Variants in NR2F2 observed in about 807,000 individuals in gnomAD.
NR2F2 encodes the protein nuclear receptor subfamily 2 group F member 2, also known as COUP transcription factor 2.
NR2F2 carries 2 observed loss-of-function variants against 34.8 expected under a neutral mutation model. The observed-to-expected ratio is 0.06, with a 90% CI of 0.02 to 0.18. The LOEUF (loss-of-function observed/expected upper bound fraction) is 0.18. Ranked by LOEUF, NR2F2 falls within the 10% of genes least tolerant of loss-of-function variation. The pLI is 1.00. For missense variants in NR2F2, 300 were observed against 580.1 expected, an observed-to-expected ratio of 0.52 and a Z score of 4.96; for synonymous variants, 274 against 251.8, an observed-to-expected ratio of 1.09 and a Z score of -0.84.
chr15:96,332,358 A>C lies in NR2F2; in HGVS notation c.253A>C (p.Lys85Gln), dbSNP rs1193323808. 6.2e-7 allele frequency: 1 copy of C among 1,611,212 alleles called. No homozygotes were observed. Among genetic ancestry groups the C allele is most frequent in the Non-Finnish European group, 8.5e-7 (1 of 1,178,612 alleles). ...QHIECVVCGD[K>Q]SSGKHYGQFT... ...CATCGAGTGCGTGGTGTGCGGAGAC[A>C]AGTCGAGCGGCAAGCACTACGGCCA... Residue 85 changes from lysine to glutamine, a missense_variant, in exon 1 of 3, where the codon AAG (lysine) becomes CAG (glutamine). Physicochemically the swap from Lys to Gln is moderately conservative, Grantham distance 53. Transcript: ENST00000394166.
rs1290021674 is a variant in NR2F2, at chr15:96,331,104, T to C, written c.-1002T>C. 2 of 1,210,388 alleles carry C rather than the reference T, an allele frequency of 1.7e-6. No individual in the cohort carries two copies. Among genetic ancestry groups the C allele is most frequent in the Non-Finnish European group, 2.1e-6 (2 of 975,212 alleles). 75.0% of individuals were successfully genotyped at this position (1,210,388 alleles called of 1,614,324 possible). On this transcript the variant is annotated 5_prime_UTR_variant, in exon 1 of 3. Transcript: ENST00000394166. Reference sequence around the variant, plus strand: ...GGCGGCAGCAGCGGCAGCAGCGACTTCAGCGGCGGCGGCGGCGCTAGACGC... The same window carrying C: ...GGCGGCAGCAGCGGCAGCAGCGACTCCAGCGGCGGCGGCGGCGCTAGACGC...
At position 96,334,404 on chromosome 15, in the gene NR2F2, G is replaced by C; in HGVS notation, c.771G>C (p.Ala257=). Residue 257 remains alanine, a synonymous_variant, in exon 2 of 3, where the codon GCG becomes GCC. Transcript: ENST00000394166. ...LTWSELFVLN[A]AQCSMPLHVA... is the part of the protein sequence containing the mutation. ...GGAGCGAGCTGTTTGTGTTGAATGC[G>C]GCGCAGTGCTCCATGCCCCTCCACG... The C allele has an allele frequency of 6.2e-7, 1 of 1,614,068 alleles. No individual in the cohort carries two copies. The highest frequency in any genetic ancestry group is 8.5e-7 in the Non-Finnish European group (1 of 1,180,002).
chr15:96,326,713 T>C (rs1168411570), upstream of NR2F2, among the ~76,000 whole-genome samples: 1 of 152,112 alleles, frequency 6.6e-6, no homozygotes, highest in Non-Finnish European at 1.5e-5. This position sits in a 1 kb window ranked among gnomAD's most constrained non-coding sequence, Gnocchi z 5.5. Flanking sequence ...AAACCAGTCC[T>C]ATAAAGCGTG....
At chr15:96,334,826 C>T (rs1899273515) in intron 2 of NR2F2, among the ~76,000 whole-genome samples, 2 of 152,256 alleles carry the variant, frequency 1.3e-5, no homozygotes, top group Non-Finnish European at 1.5e-5. Flanking sequence ...CAGATAGATT[C>T]CCCACATGGG....
chr15:96,328,086 T>G (rs975905549), upstream of NR2F2, among the ~76,000 whole-genome samples: 1 of 152,226 alleles, frequency 6.6e-6, no homozygotes, highest in African/African-American at 2.4e-5. Context: ...TCTGTAGTCT[T>G]GTCTCTTCTT....
chr15:96,332,601 C>A, intron 1 of NR2F2, 54 bp downstream of exon 1: 1 of 1,584,368 alleles, frequency 6.3e-7, no homozygotes, highest in South Asian at 1.1e-5. Flanking sequence ...GTCCTGGGTA[C>A]GTTTGGCTAG....
chr15:96,335,242 C>A (rs1447517278), intron 2 of NR2F2, among the ~76,000 whole-genome samples: 1 of 152,216 alleles, frequency 6.6e-6, no homozygotes, highest in Non-Finnish European at 1.5e-5. Flanking sequence ...AGACTCTGGC[C>A]TCTTGCTTCC....
At position 96,330,975 on chromosome 15, in the gene NR2F2, C is replaced by T. The variant is rs528229474; in HGVS notation, c.-1131C>T. On this transcript the variant is annotated 5_prime_UTR_variant, in exon 1 of 3. Coordinates refer to ENST00000394166, the MANE Select transcript of NR2F2 (RefSeq NM_021005.4). ...GGATGTGCTTCTAGGTGGTGATCTG[C>T]CCTCCTCTCTCTCTTTTATCATTTC... 5 of 1,196,358 alleles carry T rather than the reference C, an allele frequency of 4.2e-6. No homozygotes were observed. The highest frequency in any genetic ancestry group is 5.2e-6 in the Non-Finnish European group (5 of 964,404). 74.1% of individuals were successfully genotyped at this position (1,196,358 alleles called of 1,614,324 possible).
intron 2 of NR2F2, among the ~76,000 whole-genome samples, chr15:96,335,969 G>A (rs1045702525): frequency 6.6e-6 from 1 of 152,126 alleles, no homozygotes; most frequent in Non-Finnish European, 1.5e-5. Flanking sequence ...TATTTTTCTC[G>A]AGTGCCCCTC....
chr15:96,337,643 G>C lies in NR2F2; in HGVS notation c.*21G>C. 6.2e-7 allele frequency: 1 copy of C among 1,600,126 alleles called. No homozygotes were observed. Among genetic ancestry groups the C allele is most frequent in the Non-Finnish European group, 8.5e-7 (1 of 1,172,110 alleles). ...AATAAATAAATAAAATAAGAAGGGG[G>C]AGTGAAACAGAGAAAGAAAAGGCAA... is the stretch of plus-strand genomic sequence containing the variant. On this transcript the variant is annotated 3_prime_UTR_variant, in exon 3 of 3. Coordinates refer to ENST00000394166, the MANE Select transcript of NR2F2 (RefSeq NM_021005.4).
At chr15:96,328,079 G>A (rs1372640978), upstream of NR2F2, among the ~76,000 whole-genome samples, 1 of 152,186 alleles carries the variant, frequency 6.6e-6, no homozygotes, top group African/African-American at 2.4e-5. Flanking sequence ...TTCTCAGTCT[G>A]TAGTCTTGTC....
At chr15:96,334,997 G>A (rs964490149) in intron 2 of NR2F2, among the ~76,000 whole-genome samples, 3 of 152,276 alleles carry the variant, frequency 2.0e-5, no homozygotes, top group African/African-American at 4.8e-5. Flanking sequence ...TGGGCCTCCA[G>A]GAGATGCCCT....
In NR2F2 at chr15:96,331,998, G is replaced by T; in HGVS notation, c.-108G>T. On this transcript the variant is annotated 5_prime_UTR_variant, in exon 1 of 3. Coordinates refer to ENST00000394166, the MANE Select transcript of NR2F2 (RefSeq NM_021005.4). ...CCCTCCCGCGCCCTCTTGCACCCTC[G>T]CACACACAAAAGGCGGCGCGCCGGA... 2 of 1,213,802 alleles carry T rather than the reference G, an allele frequency of 1.6e-6. No individual in the cohort carries two copies. The highest frequency in any genetic ancestry group is 2.0e-6 in the Non-Finnish European group (2 of 976,246). 75.2% of individuals were successfully genotyped at this position (1,213,802 alleles called of 1,614,324 possible). A position where few individuals can be genotyped will look rare whatever the true frequency, so the allele number is the denominator to read the frequency against.
In NR2F2 at chr15:96,332,074, G is replaced by A. The variant is rs1308502539; in HGVS notation, c.-32G>A. The A allele has an allele frequency of 1.2e-4, 148 of 1,280,880 alleles. No individual in the cohort carries two copies. The highest frequency in any genetic ancestry group is 1.4e-4 in the Non-Finnish European group (146 of 1,013,692). The allele number at this position is 1,280,880 out of a possible 1,614,324, so 79.3% of individuals were successfully genotyped here. On this transcript the variant is annotated 5_prime_UTR_variant, in exon 1 of 3. Coordinates refer to ENST00000394166, the MANE Select transcript of NR2F2 (RefSeq NM_021005.4). ...GCCCCGCCGCCGCCCGCAGCCAGGG[G>A]AGCAGGAAGTCCGGACGCAGCCCCC... is the stretch of plus-strand genomic sequence containing the variant.
rs1221137875 is a variant in NR2F2, at chr15:96,334,477, G to A, written c.844G>A (p.Ala282Thr). The change falls in exon 2 of 3, where the codon GCC becomes ACC. Residue 282 changes from alanine (A) to threonine (T), a missense_variant. By Grantham distance (58) the Ala-to-Thr change is moderately conservative. Coordinates refer to ENST00000394166, the MANE Select transcript of NR2F2 (RefSeq NM_021005.4). ...CGGCCTGCATGCTTCGCCCATGTCC[G>A]CCGACCGGGTGGTCGCCTTTATGGA... is the stretch of plus-strand genomic sequence containing the variant. Reference protein sequence around the residue: ...AAGLHASPMSADRVVAFMDHI... With the variant: ...AAGLHASPMSTDRVVAFMDHI... The A allele has an allele frequency of 6.2e-7, 1 of 1,613,974 alleles. No homozygotes were observed. The highest frequency in any genetic ancestry group is 1.1e-5 in the South Asian group (1 of 91,088).
At chr15:96,330,009 A>G (rs535994219), upstream of NR2F2, among the ~76,000 whole-genome samples, 1 of 152,260 alleles carries the variant, frequency 6.6e-6, no homozygotes, top group South Asian at 2.1e-4. Flanking sequence ...ACCAAACCGA[A>G]CAAGTGATCA....
chr15:96,337,708 G>T lies in NR2F2; in HGVS notation c.*86G>T. On this transcript the variant is annotated 3_prime_UTR_variant, in exon 3 of 3. Coordinates refer to ENST00000394166, the MANE Select transcript of NR2F2 (RefSeq NM_021005.4). Reference sequence around the variant, plus strand: ...TGCTTAATTTCCTTCTGTTAAGAAAGGATATAAAAGGATGTTACAAGTTTG... The same window carrying T: ...TGCTTAATTTCCTTCTGTTAAGAAATGATATAAAAGGATGTTACAAGTTTG... 1 of 1,299,266 alleles carries T rather than the reference G, an allele frequency of 7.7e-7. No homozygotes were observed. Among genetic ancestry groups the T allele is most frequent in the South Asian group, 1.5e-5 (1 of 64,716 alleles). 80.5% of individuals were successfully genotyped at this position (1,299,266 alleles called of 1,614,324 possible).
intron 1 of NR2F2, chr15:96,333,535 A>C: frequency 9.9e-7 from 1 of 1,006,782 alleles, no homozygotes; most frequent in Non-Finnish European, 1.2e-6. Flanking sequence ...CAGACGCCAG[A>C]CCTCCGCTCT....
intron 2 of NR2F2, among the ~76,000 whole-genome samples, chr15:96,334,928 C>G (rs577089923): frequency 2.6e-5 from 4 of 152,246 alleles, no homozygotes; most frequent in East Asian, 3.9e-4. Flanking sequence ...CCAGGCCCCC[C>G]GGGCCTGCTG....
Sources: allele counts gnomAD v4.1 joint callset (sites outside exome capture counted in the v4.1 genomes callset), GRCh38; gene constraint gnomAD v4.1.1; non-coding constraint Gnocchi (gnomAD v3.1); transcripts MANE v1.5; gene names NCBI Gene and HGNC (gene_info 2026-07-23, HGNC 2026-07-21).